Variants in TCF7 observed in about 807,000 individuals in gnomAD.
TCF7 encodes transcription factor 7.
Under a neutral mutation model 46.8 loss-of-function variants are expected in TCF7, and 19 were observed. The ratio of observed to expected loss-of-function variants is 0.41; its 90% CI spans 0.28 to 0.60. TCF7 has a LOEUF of 0.60. Ranked by LOEUF, TCF7 falls within the 20% of genes least tolerant of loss-of-function variation. The pLI is 0.35. For missense variants in TCF7, 547 were observed against 504.6 expected (o/e 1.08, Z -0.81); for synonymous variants, 245 against 213.4 (o/e 1.15, Z -1.29).
intron 3 of TCF7, among the ~76,000 whole-genome samples, chr5:134,116,875 G>A (rs1347228683): frequency 6.6e-6 from 1 of 152,248 alleles, no homozygotes; most frequent in Admixed American, 6.5e-5. Flanking sequence ...GTGAAGGTAC[G>A]TGGAAGGTTT....
chr5:134,126,551 G>A (rs577837420), intron 3 of TCF7, among the ~76,000 whole-genome samples: 1 of 152,384 alleles, frequency 6.6e-6, no homozygotes, highest in African/African-American at 2.4e-5. Flanking sequence ...TAGTTCATGT[G>A]TCAAGCACTT....
In TCF7 at chr5:134,114,867, C is replaced by G. The variant is rs1355015183; in HGVS notation, c.-40C>G. 1.0e-6 allele frequency: 1 copy of G among 984,216 alleles called. No homozygotes were observed. Among genetic ancestry groups the G allele is most frequent in the Non-Finnish European group, 1.2e-6 (1 of 830,756 alleles). The allele number at this position is 984,216 out of a possible 1,614,324, so 61.0% of individuals were successfully genotyped here. On this transcript the variant is annotated 5_prime_UTR_variant, in exon 1 of 10. Coordinates refer to ENST00000342854, the MANE Select transcript of TCF7 (RefSeq NM_003202.5). ...GGGCCGGCTCCGCGCCCCGCACTCC[C>G]GGCGCCCAGCGCCCCGCGCCCCGGC... is the stretch of plus-strand genomic sequence containing the variant.
upstream of TCF7, among the ~76,000 whole-genome samples, chr5:134,110,326 G>C (rs1244634041): frequency 6.6e-6 from 1 of 152,228 alleles, no homozygotes; most frequent in African/African-American, 2.4e-5. Context: ...AGAACCCACA[G>C]AAGAGTCCTT....
intron 1 of TCF7, 58 bp downstream of exon 1, chr5:134,115,213 T>C (rs1436972755): frequency 4.3e-6 from 5 of 1,168,628 alleles, no homozygotes; most frequent in Non-Finnish European, 5.3e-6. Flanking sequence ...GCCGCCCCAG[T>C]TGCGCGCGGC....
intron 9 of TCF7, chr5:134,145,737 TCAGAGACAAACTGGCC>T: frequency 6.2e-7 from 1 of 1,613,906 alleles, no homozygotes; most frequent in Non-Finnish European, 8.5e-7. Flanking sequence ...ATTCATTCCA[TCAGAGACAAACTGGCC>T]CAGAGAACTC....
upstream of TCF7, among the ~76,000 whole-genome samples, chr5:134,110,801 T>C (rs1755317998): frequency 6.6e-6 from 1 of 152,260 alleles, no homozygotes; most frequent in Non-Finnish European, 1.5e-5. Context: ...AGGGTCTCCC[T>C]GTCAGAAAAG....
chr5:134,126,126 T>C (rs1031313392), intron 3 of TCF7, among the ~76,000 whole-genome samples: 1 of 151,984 alleles, frequency 6.6e-6, no homozygotes, highest in Non-Finnish European at 1.5e-5. Context: ...CAGGCAGAGG[T>C]GGGTGGGCCC....
Position 134,145,716 on chromosome 5 carries a change from A to C in TCF7, c.1076-508A>C, listed in dbSNP as rs566166440. 9 of 1,612,780 alleles carry C rather than the reference A, an allele frequency of 5.6e-6. No homozygotes were observed. The South Asian group carries it at 8.8e-5, about 16-fold the overall frequency. The stretch of plus-strand genomic sequence containing the variant: ...GGGAAACAACCCTGTCTTCAGGGGA[A>C]GTTCTATTCCATTCATTCCATCAGA... On this transcript the variant is annotated intron_variant, in intron 9 of 9. Coordinates refer to ENST00000342854, the MANE Select transcript of TCF7 (RefSeq NM_003202.5).
At chr5:134,120,993 GGTTGCTCAGTTGTGGGCCCCAC>G (rs1489629671) in intron 3 of TCF7, among the ~76,000 whole-genome samples, 1 of 152,182 alleles carries the variant, frequency 6.6e-6, no homozygotes, top group Non-Finnish European at 1.5e-5. Context: ...TGGGGCCAGT[GGTTGCTCAGTTGTGGGCCCCAC>G]GTGGACTTGG....
At chr5:134,133,087 G>A (rs377494492) in intron 3 of TCF7, among the ~76,000 whole-genome samples, 1 of 152,182 alleles carries the variant, frequency 6.6e-6, no homozygotes, top group Non-Finnish European at 1.5e-5. Flanking sequence ...TAGAAGGCTG[G>A]ACAGGCACTG....
intron 5 of TCF7, 111 bp from the exon 6 acceptor site, chr5:134,142,070 GTATC>G (rs570795094): frequency 4.2e-6 from 6 of 1,418,888 alleles, no homozygotes; most frequent in Non-Finnish European, 2.9e-6. Flanking sequence ...GTAGGATAGA[GTATC>G]TATCTGTTCA....
chr5:134,142,968 C>T (rs992399996), intron 7 of TCF7, 25 bp from the exon 8 acceptor site: 1 of 1,613,404 alleles, frequency 6.2e-7, no homozygotes, highest in Non-Finnish European at 8.5e-7. Flanking sequence ...TGATGCACCC[C>T]ACCTGCCCCT....
rs1471277380 is a variant in TCF7 at position 134,146,039 on chromosome 5, C to T, written c.1076-185C>T. ...CACCTTGTGGCTGTTCTGGGAACTG[C>T]ACCTGTCCTAGGTCTGGGCCAGACC... On this transcript the variant is annotated intron_variant, in intron 9 of 9. Coordinates refer to ENST00000342854, the MANE Select transcript of TCF7 (RefSeq NM_003202.5). 5.2e-6 allele frequency: 8 copies of T among 1,531,402 alleles called. No individual in the cohort carries two copies. The African/African-American group carries it at 6.9e-5, about 13-fold the overall frequency. 94.9% of individuals were successfully genotyped at this position (1,531,402 alleles called of 1,614,324 possible).
In TCF7 at chr5:134,142,763, G is replaced by T; in HGVS notation, c.798G>T (p.Lys266Asn). 1 of 1,614,182 alleles carries T rather than the reference G, an allele frequency of 6.2e-7. No homozygotes were observed. Among genetic ancestry groups the T allele is most frequent in the Non-Finnish European group, 8.5e-7 (1 of 1,180,028 alleles). The change falls in exon 7 of 10, where the codon AAG (lysine) becomes AAT (asparagine). Residue 266 changes from lysine to asparagine, a missense_variant. Around this residue, in one of 3 missense-constraint regions of TCF7, gnomAD observed 425 missense variants for 349.9 expected, o/e 1.21. Transcript: ENST00000342854. ...CCAAGGCAGAGAAGGAGGCCAAGAA[G>T]CCAACCATCAAGAAGCCCCTCAATG... ...AESKAEKEAK[K>N]PTIKKPLNAF... is the part of the protein sequence containing the mutation.
intron 3 of TCF7, among the ~76,000 whole-genome samples, chr5:134,118,394 A>G (rs976670088): frequency 6.6e-6 from 1 of 152,196 alleles, no homozygotes. Context: ...CTATGTGGTC[A>G]ACACTTATGC....
intron 3 of TCF7, among the ~76,000 whole-genome samples, chr5:134,135,606 T>G (rs1275391633): frequency 6.6e-6 from 1 of 152,160 alleles, no homozygotes; most frequent in African/African-American, 2.4e-5. Context: ...GGAGTTACCA[T>G]TAACTGGGTA....
chr5:134,115,923 G>C lies in TCF7; in HGVS notation c.331G>C (p.Glu111Gln), dbSNP rs1374992763. The change falls in exon 3 of 10, where the codon GAG (glutamate) becomes CAG (glutamine). Residue 111 changes from glutamate to glutamine, a missense_variant. This residue lies in a region of TCF7 where 425 missense variants were observed against 349.9 expected (regional missense o/e 1.21). Coordinates refer to ENST00000342854, the MANE Select transcript of TCF7 (RefSeq NM_003202.5). Reference sequence around the variant, plus strand: ...GGTTTTTCCAGGCCTGAAGGCCCCGGAGTGCACCAGCGGCATGTACAAAGA... The same window carrying C: ...GGTTTTTCCAGGCCTGAAGGCCCCGCAGTGCACCAGCGGCATGTACAAAGA... ...EPLEDGLKAP[E>Q]CTSGMYKETV... 1 of 1,614,000 alleles carries C rather than the reference G, an allele frequency of 6.2e-7. No homozygotes were observed. The highest frequency in any genetic ancestry group is 1.7e-5 in the Admixed American group (1 of 60,030).
chr5:134,145,739 A>C lies in TCF7; in HGVS notation c.1076-485A>C, dbSNP rs766091129. 2.5e-6 allele frequency: 4 copies of C among 1,613,908 alleles called. No homozygotes were observed. In the Admixed American group the frequency reaches 6.7e-5, roughly 27 times the overall value. ...GAAGTTCTATTCCATTCATTCCATC[A>C]GAGACAAACTGGCCCAGAGAACTCA... On this transcript the variant is annotated intron_variant, in intron 9 of 9. Coordinates refer to ENST00000342854, the MANE Select transcript of TCF7 (RefSeq NM_003202.5).
Position 134,114,852 on chromosome 5 carries a change from CGCGCCCCGCACTCCCG to C in TCF7, c.-48_-33del, listed in dbSNP as rs1311313166. 3 of 982,422 alleles carry C rather than the reference CGCGCCCCGCACTCCCG, an allele frequency of 3.1e-6. No homozygotes were observed. The highest frequency in any genetic ancestry group is 3.6e-6 in the Non-Finnish European group (3 of 829,528). The allele number at this position is 982,422 out of a possible 1,614,324, so 60.9% of individuals were successfully genotyped here. On this transcript the variant is annotated 5_prime_UTR_variant, in exon 1 of 10. Coordinates refer to ENST00000342854, the MANE Select transcript of TCF7 (RefSeq NM_003202.5). ...GGCTCGCCGCCCCCCGGGCCGGCTC[CGCGCCCCGCACTCCCG>C]GCGCCCAGCGCCCCGCGCCCCGGCG...
Sources: allele counts gnomAD v4.1 joint callset (sites outside exome capture counted in the v4.1 genomes callset), GRCh38; gene constraint gnomAD v4.1.1; regional missense constraint gnomAD v4.1.1; transcripts MANE v1.5; gene names NCBI Gene and HGNC (gene_info 2026-07-23, HGNC 2026-07-21).